Variants in ANKRD36C observed in about 807,000 individuals in gnomAD.
The protein encoded by ANKRD36C is ankyrin repeat domain-containing protein 36C.
In ANKRD36C, 61 loss-of-function variants were observed where a neutral mutation model predicts 276.4. The observed-to-expected ratio is 0.22, with a 90% CI of 0.18 to 0.27. ANKRD36C has a LOEUF of 0.27. Ranked by LOEUF, ANKRD36C falls within the 10% of genes least tolerant of loss-of-function variation. The pLI is 1.00. For missense variants in ANKRD36C, 1,447 were observed against 2,032.3 expected, an observed-to-expected ratio of 0.71 and a Z score of 5.54; for synonymous variants, 483 against 680.1, an observed-to-expected ratio of 0.71 and a Z score of 4.51.
At chr2:95,868,169 T>C (rs902816978) in intron 59 of ANKRD36C, among the ~76,000 whole-genome samples, 1 of 152,128 alleles carries the variant, frequency 6.6e-6, no homozygotes, top group Non-Finnish European at 1.5e-5. Context: ...TAATGCACAT[T>C]TTCTAATTCA....
intron 17 of ANKRD36C, among the ~76,000 whole-genome samples, chr2:95,947,395 C>T (rs1335003093): frequency 6.6e-6 from 1 of 152,088 alleles, no homozygotes. Context: ...AGCCCATTTC[C>T]CTGTTTGTTG....
intron 6 of ANKRD36C, among the ~76,000 whole-genome samples, chr2:95,967,438 A>G (rs141538908): frequency 6.6e-6 from 1 of 152,350 alleles, no homozygotes; most frequent in Non-Finnish European, 1.5e-5. Context: ...CCACAATAAG[A>G]TACCATCTCA....
chr2:95,893,540 A>G, intron 44 of ANKRD36C: 1 of 1,546,028 alleles, frequency 6.5e-7, no homozygotes, highest in South Asian at 1.2e-5. Flanking sequence ...TACCTGTTCT[A>G]GATTTTTCTC....
At chr2:95,854,656 T>A (rs1675367358) in intron 63 of ANKRD36C, among the ~76,000 whole-genome samples, 1 of 152,208 alleles carries the variant, frequency 6.6e-6, no homozygotes. Flanking sequence ...TTTACTGCAT[T>A]TTCCCCATAT....
At chr2:95,896,919 T>G (rs1446421895) in intron 44 of ANKRD36C, among the ~76,000 whole-genome samples, 3 of 148,348 alleles carry the variant, frequency 2.0e-5, no homozygotes, top group Non-Finnish European at 3.0e-5. Flanking sequence ...GGCAGTACGA[T>G]CTGAAGTGTG....
chr2:95,965,628 A>G (rs369002954), intron 6 of ANKRD36C, among the ~76,000 whole-genome samples: 1 of 152,156 alleles, frequency 6.6e-6, no homozygotes, highest in East Asian at 1.9e-4. Flanking sequence ...AAGCAACCAC[A>G]TAAGCATATC....
chr2:95,884,199 A>G (rs761775090), exon 54 of ANKRD36C: 13 of 1,608,928 alleles, frequency 8.1e-6, no homozygotes, highest in Non-Finnish European at 9.3e-6. Context: ...TCCATCCTTT[A>G]TTTCTCTGGC....
intron 49 of ANKRD36C, 27 bp from the exon 70 acceptor site, chr2:95,888,024 G>C (rs4907218): frequency 0.36 from 563,459 of 1,556,212 alleles, 111,450 homozygotes; most frequent in East Asian, 0.63. Flanking sequence ...ACAAAATAAT[G>C]AATACATAAA....
At chr2:95,933,767 T>G (rs905312512) in intron 24 of ANKRD36C, among the ~76,000 whole-genome samples, 1 of 152,300 alleles carries the variant, frequency 6.6e-6, no homozygotes, top group African/African-American at 2.4e-5. Flanking sequence ...CTTTATTTTT[T>G]CCTCTTGTCT....
exon 47 of ANKRD36C, chr2:95,889,985 T>G (rs755485992): frequency 1.9e-6 from 3 of 1,609,588 alleles, no homozygotes; most frequent in African/African-American, 2.7e-5. Flanking sequence ...TGGTTGTTTA[T>G]GAGAAGACAC....
At chr2:95,977,655 T>C (rs1330987227) in intron 6 of ANKRD36C, among the ~76,000 whole-genome samples, 2 of 152,046 alleles carry the variant, frequency 1.3e-5, no homozygotes, top group Non-Finnish European at 2.9e-5. Flanking sequence ...ATATAATATA[T>C]ACAACATACC....
intron 61 of ANKRD36C, among the ~76,000 whole-genome samples, chr2:95,857,891 G>C (rs2463582): frequency 0.14 from 19,103 of 141,404 alleles, 1,680 homozygotes; most frequent in Non-Finnish European, 0.17. Flanking sequence ...ACAATCTGCT[G>C]TCTCTGAAGT....
At chr2:95,913,776 A>G (rs1677005799) in intron 40 of ANKRD36C, among the ~76,000 whole-genome samples, 1 of 151,388 alleles carries the variant, frequency 6.6e-6, no homozygotes, top group Non-Finnish European at 1.5e-5. Flanking sequence ...TGTAAATTCT[A>G]TGCTTCCTCT....
intron 63 of ANKRD36C, 25 bp downstream of exon 83, chr2:95,855,241 A>G (rs1324613662): frequency 6.6e-7 from 1 of 1,522,724 alleles, no homozygotes; most frequent in Non-Finnish European, 8.8e-7. Flanking sequence ...AAGTTTGAAA[A>G]ATACTTATTT....
chr2:95,853,903 T>C (rs1675350421), intron 63 of ANKRD36C, 42 bp from the exon 84 acceptor site: 3 of 1,574,302 alleles, frequency 1.9e-6, no homozygotes, highest in Non-Finnish European at 2.6e-6. Context: ...ACAAATCACC[T>C]TATTATTAAA....
chr2:95,953,491 CTA>C (rs1678252054), intron 14 of ANKRD36C, among the ~76,000 whole-genome samples: 1 of 151,984 alleles, frequency 6.6e-6, no homozygotes, highest in Non-Finnish European at 1.5e-5. Flanking sequence ...TAAAAAGAAA[CTA>C]TATGCTATGT....
intron 34 of ANKRD36C, 95 bp from the exon 37 acceptor site, chr2:95,918,137 G>A (rs1677159069): frequency 3.3e-6 from 5 of 1,517,394 alleles, no homozygotes; most frequent in Non-Finnish European, 4.5e-6. Flanking sequence ...GTATCCTTCT[G>A]CCTGTACTAG....
intron 3 of ANKRD36C, among the ~76,000 whole-genome samples, chr2:95,985,016 T>C (rs1679000401): frequency 6.6e-6 from 1 of 152,212 alleles, no homozygotes; most frequent in Admixed American, 6.5e-5. Context: ...AGGTTTAGAA[T>C]TTTTTACTAT....
At chr2:95,910,313 A>G (rs1676874898) in intron 42 of ANKRD36C, 60 bp downstream of exon 46, 5 of 1,481,932 alleles carry the variant, frequency 3.4e-6, no homozygotes, top group Admixed American at 2.2e-5. Flanking sequence ...CTTTATTTGG[A>G]GAAGAGAACT....
Sources: allele counts gnomAD v4.1 joint callset (sites outside exome capture counted in the v4.1 genomes callset), GRCh38; gene constraint gnomAD v4.1.1; transcripts MANE v1.5; gene names NCBI Gene and HGNC (gene_info 2026-07-23, HGNC 2026-07-21).